The following UNC13C variants were observed in gnomAD, a reference collection of about 807,000 sequenced individuals.
UNC13C encodes protein unc-13 homolog C.
UNC13C carries 174 observed loss-of-function variants against 245.4 expected under a neutral mutation model. The ratio of observed to expected loss-of-function variants is 0.71; its 90% CI spans 0.63 to 0.80. The LOEUF (loss-of-function observed/expected upper bound fraction) is 0.80, where lower values mean the gene tolerates loss of function less well. Among genes scored for constraint, UNC13C ranks in the 30% least tolerant of loss-of-function variants. The pLI, the probability that UNC13C is intolerant of heterozygous loss-of-function variation, is 0.00. For synonymous variants in UNC13C, 992 were observed against 895.1 expected (o/e 1.11, Z -1.93); for missense variants, 2,829 against 2,602.9 (o/e 1.09, Z -1.89).
At position 54,530,791 on chromosome 15, in the gene UNC13C, G is replaced by A. The variant is rs376437055; in HGVS notation, c.5547-2126G>A. On this transcript the variant is annotated intron_variant, in intron 25 of 32. Transcript: ENST00000260323. Reference sequence around the variant, plus strand: ...AACACCAGGAGGTCTATTGTGGCTGGTGCAATGAAACAGAAGGAAGAGTGG... The same window carrying A: ...AACACCAGGAGGTCTATTGTGGCTGATGCAATGAAACAGAAGGAAGAGTGG... 9.9e-5 allele frequency among the ~76,000 whole-genome samples: 15 copies of A among 152,262 alleles called. No individual in the cohort carries two copies. In the East Asian group the frequency reaches 2.1e-3, roughly 22 times the overall value.
At chr15:54,053,463 C>G (rs1217654405) in intron 2 of UNC13C, among the ~76,000 whole-genome samples, 1 of 152,144 alleles carries the variant, frequency 6.6e-6, no homozygotes, top group African/African-American at 2.4e-5. Context: ...CTGTGACATG[C>G]TTCCCTGCCT....
intron 13 of UNC13C, 41 bp downstream of exon 13, chr15:54,300,414 A>G: frequency 6.7e-7 from 1 of 1,501,066 alleles, no homozygotes; most frequent in Non-Finnish European, 9.0e-7. Flanking sequence ...TATCTCTATT[A>G]AAATATAAAG....
At chr15:54,176,672 A>G (rs2033626665) in intron 4 of UNC13C, among the ~76,000 whole-genome samples, 1 of 152,150 alleles carries the variant, frequency 6.6e-6, no homozygotes, top group Non-Finnish European at 1.5e-5. Flanking sequence ...AATACTTTTT[A>G]TGAAAGTCTG....
intron 2 of UNC13C, among the ~76,000 whole-genome samples, chr15:54,019,474 A>C (rs1895800885): frequency 6.6e-6 from 1 of 152,198 alleles, no homozygotes; most frequent in South Asian, 2.1e-4. Context: ...TCATTTTATA[A>C]ATCAAGATTT....
At chr15:53,849,824 C>T in the UNC13C span, among the ~76,000 whole-genome samples, 3 of 152,070 alleles carry the variant, frequency 2.0e-5, no homozygotes, top group Non-Finnish European at 4.4e-5. Context: ...GGGCTCTGGG[C>T]GTGATGCAGG....
intron 19 of UNC13C, among the ~76,000 whole-genome samples, chr15:54,422,236 C>T (rs1477686165): frequency 1.3e-5 from 2 of 151,950 alleles, no homozygotes; most frequent in Non-Finnish European, 2.9e-5. Flanking sequence ...ATTCTAGCTC[C>T]AAAGCATATT....
intron 4 of UNC13C, among the ~76,000 whole-genome samples, chr15:54,169,691 T>C (rs1378676119): frequency 6.6e-6 from 1 of 152,160 alleles, no homozygotes; most frequent in Non-Finnish European, 1.5e-5. Context: ...CCCTAGGGCT[T>C]TAAGCTTTCT....
chr15:54,423,059 G>C (rs1596354260), intron 19 of UNC13C, among the ~76,000 whole-genome samples: 1 of 151,598 alleles, frequency 6.6e-6, no homozygotes. Flanking sequence ...CTTCATAGCT[G>C]TGTGTGTACA....
intron 1 of UNC13C, among the ~76,000 whole-genome samples, chr15:53,991,963 G>T (rs1438175423): frequency 2.0e-5 from 3 of 152,030 alleles, no homozygotes; most frequent in Admixed American, 6.6e-5. Flanking sequence ...ATTCTTGGCT[G>T]ATAGGTTTTC....
chr15:53,917,637 C>T, the UNC13C span, among the ~76,000 whole-genome samples: 21 of 152,174 alleles, frequency 1.4e-4, no homozygotes, highest in Non-Finnish European at 1.3e-4. Flanking sequence ...ACACAAAGGG[C>T]CTCTTTTCTA....
intron 4 of UNC13C, among the ~76,000 whole-genome samples, chr15:54,188,961 A>T (rs1595974726): frequency 6.6e-6 from 1 of 152,186 alleles, no homozygotes; most frequent in African/African-American, 2.4e-5. Flanking sequence ...GTATGCTTAC[A>T]TAATACCGTT....
intron 30 of UNC13C, among the ~76,000 whole-genome samples, chr15:54,573,922 A>G (rs1897857347): frequency 6.6e-6 from 1 of 152,226 alleles, no homozygotes; most frequent in Non-Finnish European, 1.5e-5. Context: ...CTGAGGAGAC[A>G]GAAAAGGCAG....
At chr15:54,075,432 C>T (rs1252545069) in intron 2 of UNC13C, among the ~76,000 whole-genome samples, 1 of 58,096 alleles carries the variant, frequency 1.7e-5, no homozygotes, top group Admixed American at 1.5e-4. Context: ...TGCAGTGAGC[C>T]GGAGCTTGCA....
intron 19 of UNC13C, among the ~76,000 whole-genome samples, chr15:54,482,762 G>C (rs1364058552): frequency 6.8e-6 from 1 of 147,192 alleles, no homozygotes; most frequent in African/African-American, 2.5e-5. Flanking sequence ...GATATATATT[G>C]CCAATTTTTC....
At chr15:53,969,536 A>T in the UNC13C span, among the ~76,000 whole-genome samples, 1 of 152,000 alleles carries the variant, frequency 6.6e-6, no homozygotes, top group African/African-American at 2.4e-5. Flanking sequence ...TTTTTAAAAA[A>T]ATAGCCAGGC....
intron 12 of UNC13C, among the ~76,000 whole-genome samples, chr15:54,299,303 G>C (rs2037514822): frequency 6.6e-6 from 1 of 152,090 alleles, no homozygotes; most frequent in African/African-American, 2.4e-5. Context: ...AAGCAAAAAG[G>C]AATTGAGAGT....
chr15:53,910,220 A>C, the UNC13C span, among the ~76,000 whole-genome samples: 182 of 145,452 alleles, frequency 1.3e-3, 9 homozygotes, highest in African/African-American at 4.3e-3. Flanking sequence ...AAATGTGTGC[A>C]GTTTCCCTTC....
chr15:54,574,868 T>C (rs2141228304), intron 30 of UNC13C, among the ~76,000 whole-genome samples: 1 of 152,304 alleles, frequency 6.6e-6, no homozygotes, highest in East Asian at 1.9e-4. Context: ...TAGAGTATAA[T>C]GTATTTTAAT....
the UNC13C span, among the ~76,000 whole-genome samples, chr15:53,840,991 A>G: frequency 6.2e-4 from 94 of 152,270 alleles, 1 homozygote; most frequent in African/African-American, 2.2e-3. Context: ...GCTCAAAGCT[A>G]TCAGCAGTGA....
Sources: gnomAD v4.1 joint callset for allele counts (sites outside exome capture counted in the v4.1 genomes callset) on GRCh38, gnomAD v4.1.1 for gene constraint, MANE v1.5 for transcripts, NCBI Gene and HGNC (gene_info 2026-07-23, HGNC 2026-07-21) for gene names.